The following GDPD1 variants were observed in gnomAD, a reference collection of about 807,000 sequenced individuals.
GDPD1 encodes lysophospholipase D GDPD1.
GDPD1 carries 28 observed loss-of-function variants against 45.1 expected under a neutral mutation model. The observed-to-expected ratio is 0.62, with a 90% confidence interval of 0.46 to 0.85. GDPD1 has a LOEUF of 0.85. Ranked by LOEUF, GDPD1 falls within the 40% of genes least tolerant of loss-of-function variation. GDPD1 has a pLI of 0.00. For synonymous variants in GDPD1, 139 were observed against 131.4 expected, an observed-to-expected ratio of 1.06 and a Z score of -0.40; for missense variants, 256 against 364.8, an observed-to-expected ratio of 0.70 and a Z score of 2.43.
intron 8 of GDPD1, 59 bp downstream of exon 8, chr17:59,271,054 T>C (rs2047440566): frequency 9.7e-7 from 1 of 1,026,056 alleles, no homozygotes; most frequent in African/African-American, 1.6e-5. Flanking sequence ...TATTAAATAC[T>C]ACCCTTAAAA....
intron 6 of GDPD1, among the ~76,000 whole-genome samples, chr17:59,266,051 GGGGGGT>G (rs1364494994): frequency 2.6e-5 from 4 of 151,224 alleles, no homozygotes; most frequent in Non-Finnish European, 5.9e-5. Context: ...GCTGGGTGGC[GGGGGGT>G]GGGGGTGGTG....
intron 3 of GDPD1, among the ~76,000 whole-genome samples, chr17:59,247,625 C>A (rs1363778574): frequency 6.6e-6 from 1 of 151,826 alleles, no homozygotes; most frequent in African/African-American, 2.4e-5. Flanking sequence ...GTAGATAACA[C>A]TGCACTGAAT....
chr17:59,229,923 C>CT (rs1168299232), intron 1 of GDPD1, among the ~76,000 whole-genome samples: 1 of 152,118 alleles, frequency 6.6e-6, no homozygotes, highest in Non-Finnish European at 1.5e-5. Flanking sequence ...CCATGATGCC[C>CT]TACATGGTGC....
intron 4 of GDPD1, among the ~76,000 whole-genome samples, chr17:59,252,521 G>C (rs2047262973): frequency 6.6e-6 from 1 of 151,848 alleles, no homozygotes; most frequent in Non-Finnish European, 1.5e-5. Flanking sequence ...TTAGTCATGA[G>C]CCACCATGCC....
rs777915020 is a variant in GDPD1, at chr17:59,272,784, G to C, written c.771-1G>C. 3 of 1,597,034 alleles carry C rather than the reference G, an allele frequency of 1.9e-6. No individual in the cohort carries two copies. In the African/African-American group the frequency reaches 4.0e-5, roughly 21 times the overall value. Reference sequence around the variant, plus strand: ...AATCAGTTTTGCTTTTTCTTTTCTAGCTTACTAATGAGGAAAGCTTTGTTT... The same window carrying C: ...AATCAGTTTTGCTTTTTCTTTTCTACCTTACTAATGAGGAAAGCTTTGTTT... On this transcript the variant is annotated splice_acceptor_variant, in intron 8 of 9. Transcript: ENST00000284116. LOFTEE classifies it high-confidence loss of function.
chr17:59,235,894 T>G (rs2047128402), intron 2 of GDPD1, among the ~76,000 whole-genome samples: 1 of 152,162 alleles, frequency 6.6e-6, no homozygotes. Context: ...AATACTTTAT[T>G]TATTTTCTCT....
At chr17:59,249,464 C>G (rs941023944) in intron 4 of GDPD1, among the ~76,000 whole-genome samples, 1 of 152,028 alleles carries the variant, frequency 6.6e-6, no homozygotes, top group East Asian at 1.9e-4. Context: ...GGAAAGGACC[C>G]CTTTCAAATC....
intron 4 of GDPD1, chr17:59,249,001 G>T: frequency 2.7e-6 from 1 of 367,714 alleles, no homozygotes. Context: ...ACTTAAACCT[G>T]AACACTGATT....
At position 59,233,526 on chromosome 17, in the gene GDPD1, A is replaced by AAG. The variant is rs1555721710; in HGVS notation, c.143-965_143-964insGA. 2.5e-4 allele frequency among the ~76,000 whole-genome samples: 38 copies of AAG among 150,116 alleles called. No homozygotes were observed. The East Asian group carries it at 2.8e-3, about 11-fold the overall frequency. On this transcript the variant is annotated intron_variant, in intron 1 of 9. Coordinates refer to ENST00000284116, the MANE Select transcript of GDPD1 (RefSeq NM_182569.4). Reference sequence around the variant, plus strand: ...GACTCCGTCTCAAAAAAAAAAAAAAAAAAGAAAGAAAAAACAAAAACAAAA... The same window carrying AAG: ...GACTCCGTCTCAAAAAAAAAAAAAAAAGAAAGAAAGAAAAAACAAAAACAAAA...
chr17:59,237,363 T>C (rs1272336983), intron 2 of GDPD1, among the ~76,000 whole-genome samples: 4 of 152,204 alleles, frequency 2.6e-5, no homozygotes, highest in African/African-American at 9.6e-5. Context: ...ATGGCACCAC[T>C]GTACTCCAGC....
At chr17:59,255,857 G>GCGTATATATATATATACGTGTACGTA (rs2047303265) in intron 4 of GDPD1, among the ~76,000 whole-genome samples, 1 of 40,900 alleles carries the variant, frequency 2.4e-5, no homozygotes, top group East Asian at 6.2e-4. Flanking sequence ...ATATACACAC[G>GCGTATATATATATATACGTGTACGTA]TATATATATA....
chr17:59,228,881 GAA>G (rs879369332), intron 1 of GDPD1, among the ~76,000 whole-genome samples: 1 of 131,744 alleles, frequency 7.6e-6, no homozygotes. Context: ...CCCTGTCTCA[GAA>G]AAAAAAAAAA....
chr17:59,254,164 C>G (rs2047277914), intron 4 of GDPD1, among the ~76,000 whole-genome samples: 1 of 151,698 alleles, frequency 6.6e-6, no homozygotes, highest in Admixed American at 6.6e-5. Context: ...GAGTTCAAGA[C>G]CAGCCTGAAC....
rs1464616855 is a variant in GDPD1, at chr17:59,222,505, C to G, written c.142+1754C>G. 2.4e-4 allele frequency among the ~76,000 whole-genome samples: 10 copies of G among 41,740 alleles called. No individual in the cohort carries two copies. The East Asian group carries it at 5.5e-3, about 23-fold the overall frequency. 27.4% of individuals were successfully genotyped at this position (41,740 alleles called of 152,430 possible). ...ACAGGCGTGAGCCACAGTGCCCAGC[C>G]TTTTTTTTTTTTTTTTTTTTTTTTT... On this transcript the variant is annotated intron_variant, in intron 1 of 9. Coordinates refer to ENST00000284116, the MANE Select transcript of GDPD1 (RefSeq NM_182569.4).
chr17:59,273,572 G>A (rs2047459133), intron 9 of GDPD1, 79 bp from the exon 10 acceptor site: 1 of 685,906 alleles, frequency 1.5e-6, no homozygotes, highest in Non-Finnish European at 2.4e-6. Flanking sequence ...TACCAAGACT[G>A]TAGTGGATAA....
At chr17:59,237,518 T>G (rs1004430617) in intron 2 of GDPD1, among the ~76,000 whole-genome samples, 1 of 152,210 alleles carries the variant, frequency 6.6e-6, no homozygotes, top group Non-Finnish European at 1.5e-5. Context: ...TTAAGTATGG[T>G]ATATTCTTGA....
chr17:59,220,511 G>C lies in GDPD1; in HGVS notation c.-99G>C, dbSNP rs1019050358. On this transcript the variant is annotated 5_prime_UTR_variant, in exon 1 of 10. Transcript: ENST00000284116. ...TGCACCAGTGGCACCGGCTGGGGGC[G>C]AGCCGACCTCGAGCAGCCGCCGCCG... is the stretch of plus-strand genomic sequence containing the variant. The C allele has an allele frequency of 7.4e-7, 1 of 1,345,972 alleles. No homozygotes were observed. The allele number at this position is 1,345,972 out of a possible 1,614,324, so 83.4% of individuals were successfully genotyped here.
At chr17:59,268,301 G>A (rs190886078) in intron 7 of GDPD1, among the ~76,000 whole-genome samples, 137 of 152,096 alleles carry the variant, frequency 9.0e-4, no homozygotes, top group African/African-American at 3.1e-3. Context: ...TCATGGCCGG[G>A]CGCGGTGGCT....
At chr17:59,255,763 ATAT>A (rs1403831293) in intron 4 of GDPD1, among the ~76,000 whole-genome samples, 2 of 44,822 alleles carry the variant, frequency 4.5e-5, no homozygotes, top group Non-Finnish European at 7.7e-5. Context: ...AAAAAAAAAA[ATAT>A]ATATATATAT....
Sources: gnomAD v4.1 joint callset for allele counts (sites outside exome capture counted in the v4.1 genomes callset) on GRCh38, gnomAD v4.1.1 for gene constraint, MANE v1.5 for transcripts, NCBI Gene and HGNC (gene_info 2026-07-23, HGNC 2026-07-21) for gene names.